Variants in PLEKHB1 observed in about 807,000 individuals in gnomAD.
PLEKHB1 encodes the protein pleckstrin homology domain-containing family B member 1.
Under a neutral mutation model 36.2 loss-of-function variants are expected in PLEKHB1, and 29 were observed. The ratio of observed to expected loss-of-function variants is 0.80; its 90% CI spans 0.60 to 1.09. PLEKHB1 has a LOEUF of 1.09. Among genes scored for constraint, PLEKHB1 ranks in the 50% least tolerant of loss-of-function variants. PLEKHB1 has a pLI of 0.00. For missense variants in PLEKHB1, 330 were observed against 348.2 expected (o/e 0.95, Z 0.42); for synonymous variants, 138 against 140.0 (o/e 0.99, Z 0.10).
At chr11:73,650,439 AG>A in intron 2 of PLEKHB1, 113 bp from the exon 3 acceptor site, 3 of 1,167,058 alleles carry the variant, frequency 2.6e-6, no homozygotes. Context: ...GACAAGAAAA[AG>A]GTGGTTGTAA....
intron 7 of PLEKHB1, 45 bp downstream of exon 7, chr11:73,660,897 A>C (rs2272248): frequency 0.11 from 171,612 of 1,517,374 alleles, 11,396 homozygotes; most frequent in South Asian, 0.27. Flanking sequence ...TCCAGCACCG[A>C]TTCAGCGCCA....
At chr11:73,651,384 C>T (rs117171429) in intron 3 of PLEKHB1, 6,520 of 448,046 alleles carry the variant, frequency 0.015, 119 homozygotes, top group Middle Eastern at 0.047. Context: ...AAAGAAAAAT[C>T]AGTCCTTTAG....
At chr11:73,647,964 C>T (rs1015801714) in intron 1 of PLEKHB1, 8 of 985,324 alleles carry the variant, frequency 8.1e-6, no homozygotes, top group East Asian at 2.3e-4. Context: ...ACAGAGGGCA[C>T]CTACCTGGAT....
chr11:73,661,741 C>G lies in PLEKHB1; in HGVS notation c.*139C>G, dbSNP rs375063435. ...TAGCTCCTTCCGGGTTTGGACCATTCCCCCCACTCCCTACCCTTAATCCCC... is the reference window on the plus strand; with the variant it reads ...TAGCTCCTTCCGGGTTTGGACCATTGCCCCCACTCCCTACCCTTAATCCCC... On this transcript the variant is annotated 3_prime_UTR_variant, in exon 8 of 8. Transcript: ENST00000354190. This position sits in a 1 kb window ranked among gnomAD's most constrained non-coding sequence, Gnocchi z 4.6. 2 of 1,026,730 alleles carry G rather than the reference C, an allele frequency of 1.9e-6. No homozygotes were observed. Among genetic ancestry groups the G allele is most frequent in the African/African-American group, 3.3e-5 (2 of 61,232 alleles). The allele number at this position is 1,026,730 out of a possible 1,614,324, so 63.6% of individuals were successfully genotyped here. A position where few individuals can be genotyped will look rare whatever the true frequency, so the allele number is the denominator to read the frequency against.
At chr11:73,655,764 C>G in intron 5 of PLEKHB1, 39 bp from the exon 6 acceptor site, 1 of 1,583,596 alleles carries the variant, frequency 6.3e-7, no homozygotes, top group East Asian at 2.2e-5. Context: ...GACACCCCCT[C>G]CCTCCCTCCT....
intron 1 of PLEKHB1, chr11:73,647,685 C>T: frequency 1.0e-6 from 1 of 985,480 alleles, no homozygotes; most frequent in Non-Finnish European, 1.2e-6. Context: ...TGGGTGGCAG[C>T]AGCATCGAGT....
chr11:73,659,805 C>T (rs1004108538), intron 6 of PLEKHB1, among the ~76,000 whole-genome samples: 5 of 152,150 alleles, frequency 3.3e-5, no homozygotes, highest in African/African-American at 1.2e-4. Context: ...CAGTCCCCAA[C>T]CCTATGGTCA....
rs748705073 is a variant in PLEKHB1 at position 73,650,577 on chromosome 11, G to A, written c.119G>A (p.Arg40Gln). The A allele has an allele frequency of 3.7e-5, 60 of 1,612,908 alleles. No homozygotes were observed. Among genetic ancestry groups the A allele is most frequent in the East Asian group, 8.9e-5 (4 of 44,854 alleles). ...GGCTCCATCCTCCGCCGCTGGAAGC[G>A]GAACTGGTTTGCCCTGTGGCTGGAC... ...RQSSILRRWK[R>Q]NWFALWLDGT... Residue 40 changes from arginine (R) to glutamine (Q), a missense_variant, in exon 3 of 8, where the codon CGG becomes CAG. By Grantham distance (43) the Arg-to-Gln change is conservative. Coordinates refer to ENST00000354190, the MANE Select transcript of PLEKHB1 (RefSeq NM_021200.3).
At chr11:73,646,739 A>G (rs752706914) in intron 1 of PLEKHB1, 113 bp downstream of exon 1, 35 of 1,171,620 alleles carry the variant, frequency 3.0e-5, no homozygotes, top group Non-Finnish European at 4.3e-5. Context: ...TGGTCTCTGA[A>G]TGACATCCTG....
chr11:73,651,363 A>G, intron 3 of PLEKHB1: 1 of 445,118 alleles, frequency 2.2e-6, no homozygotes, highest in South Asian at 1.6e-5. Flanking sequence ...CAAAAAAAAA[A>G]AAAAAAAGAA....
intron 6 of PLEKHB1, among the ~76,000 whole-genome samples, chr11:73,656,155 A>T (rs1405577734): frequency 6.6e-6 from 1 of 152,140 alleles, no homozygotes; most frequent in Non-Finnish European, 1.5e-5. Context: ...TGACAAACTG[A>T]TGCTCATCCT....
chr11:73,661,003 C>T lies in PLEKHB1; in HGVS notation c.595+151C>T, dbSNP rs146793862. On this transcript the variant is annotated intron_variant, in intron 7 of 7. Transcript: ENST00000354190. This position sits in a 1 kb window ranked among gnomAD's most constrained non-coding sequence, Gnocchi z 4.6. ...AACTCTCCGCAAGCCCCTCTCCATC[C>T]TGAGACTGGGAGAGCTCTGGAACCA... The T allele has an allele frequency of 2.7e-6, 2 of 729,614 alleles. No individual in the cohort carries two copies. Among genetic ancestry groups the T allele is most frequent in the South Asian group, 3.4e-5 (2 of 58,442 alleles). 45.2% of individuals were successfully genotyped at this position (729,614 alleles called of 1,614,324 possible).
At chr11:73,650,481 AGTCT>A in intron 2 of PLEKHB1, 68 bp from the exon 3 acceptor site, 26 of 1,475,200 alleles carry the variant, frequency 1.8e-5, no homozygotes, top group Non-Finnish European at 2.4e-5. Flanking sequence ...GGGACTTGGG[AGTCT>A]GTCTGGGGCT....
chr11:73,653,960 TG>T (rs1197725991), intron 5 of PLEKHB1, among the ~76,000 whole-genome samples: 1 of 151,882 alleles, frequency 6.6e-6, no homozygotes, highest in African/African-American at 2.4e-5. Flanking sequence ...AGATAATTGT[TG>T]TAACGTTGGG....
intron 1 of PLEKHB1, chr11:73,647,623 G>C (rs1403710200): frequency 2.0e-6 from 2 of 985,266 alleles, no homozygotes; most frequent in Non-Finnish European, 1.2e-6. Flanking sequence ...GCTGCGGGAG[G>C]AGAGAAATGC....
rs1944941181 is a variant in PLEKHB1 at position 73,653,644 on chromosome 11, A to G, written c.390+630A>G. Among the ~76,000 whole-genome samples the G allele has an allele frequency of 2.6e-5, 4 of 152,316 alleles. No individual in the cohort carries two copies. The South Asian group carries it at 8.3e-4, about 32-fold the overall frequency. Reference sequence around the variant, plus strand: ...GCTTAAACCGAGGACTGAAGGATAAACAGAAATTGACTGGGTGAAAGGTGT... The same window carrying G: ...GCTTAAACCGAGGACTGAAGGATAAGCAGAAATTGACTGGGTGAAAGGTGT... On this transcript the variant is annotated intron_variant, in intron 5 of 7. Transcript: ENST00000354190.
In PLEKHB1 at chr11:73,649,067, G is replaced by T; in HGVS notation, c.74G>T (p.Gly25Val). 1 of 1,599,872 alleles carries T rather than the reference G, an allele frequency of 6.3e-7. No individual in the cohort carries two copies. Among genetic ancestry groups the T allele is most frequent in the Non-Finnish European group, 8.5e-7 (1 of 1,173,262 alleles). The change falls in exon 2 of 8, where the codon GGC (glycine) becomes GTC (valine). Residue 25 changes from glycine (G) to valine (V), a missense_variant. By Grantham distance (109) the Gly-to-Val change is moderately radical. Transcript: ENST00000354190. ...SPFEEMALVR[G>V]GWLWRQSSIL... ...TTTGAAGAAATGGCCCTGGTGAGGG[G>T]CGGCTGGCTGTGGAGACAGAGTGAG...
At chr11:73,656,053 C>T in intron 6 of PLEKHB1, 146 bp downstream of exon 6, 1 of 698,350 alleles carries the variant, frequency 1.4e-6, no homozygotes. Context: ...CTGCTGTACC[C>T]TCTGTCCCCA....
chr11:73,646,659 G>T (rs1485498866), intron 1 of PLEKHB1, 33 bp downstream of exon 1: 1 of 1,551,106 alleles, frequency 6.4e-7, no homozygotes, highest in Admixed American at 2.0e-5. Context: ...AGGAGGAAGG[G>T]CCCAGGGCAG....
Sources: gnomAD v4.1 joint callset for allele counts (sites outside exome capture counted in the v4.1 genomes callset) on GRCh38, gnomAD v4.1.1 for gene constraint, Gnocchi (gnomAD v3.1) non-coding constraint, MANE v1.5 for transcripts, NCBI Gene and HGNC (gene_info 2026-07-23, HGNC 2026-07-21) for gene names.